The following SLC10A7 variants were observed in gnomAD, a reference collection of about 807,000 sequenced individuals.
SLC10A7 encodes sodium/bile acid cotransporter 7.
A neutral mutation model predicts 43.2 loss-of-function variants in SLC10A7; 29 were observed. That is an observed-to-expected ratio of 0.67 (90% CI 0.50 to 0.92). SLC10A7 has a LOEUF of 0.92. Among genes scored for constraint, SLC10A7 ranks in the 40% least tolerant of loss-of-function variants. SLC10A7 has a pLI of 0.00. For missense variants in SLC10A7, 295 were observed against 403.2 expected, an observed-to-expected ratio of 0.73 and a Z score of 2.30; for synonymous variants, 152 against 144.8, an observed-to-expected ratio of 1.05 and a Z score of -0.35.
chr4:146,429,046 T>C (rs2149865082), intron 5 of SLC10A7, among the ~76,000 whole-genome samples: 1 of 152,292 alleles, frequency 6.6e-6, no homozygotes, highest in East Asian at 1.9e-4. Flanking sequence ...AAAAATCTTA[T>C]AAATTACTAA....
chr4:146,271,536 A>G (rs1022238125), intron 10 of SLC10A7, among the ~76,000 whole-genome samples: 26 of 152,182 alleles, frequency 1.7e-4, no homozygotes, highest in South Asian at 1.0e-3. Flanking sequence ...TCACTGCCAC[A>G]CCTTCCCACA....
intron 1 of SLC10A7, among the ~76,000 whole-genome samples, chr4:146,518,100 G>A (rs1178622574): frequency 2.0e-5 from 3 of 152,172 alleles, no homozygotes; most frequent in South Asian, 2.1e-4. Context: ...TTAACACTGC[G>A]AGAACAATAC....
In SLC10A7 at chr4:146,442,797, AG is replaced by A. The variant is rs1435258174; in HGVS notation, c.420del (p.Phe141LeufsTer9). On this transcript the variant is annotated frameshift_variant, in exon 5 of 12. Coordinates refer to ENST00000335472, the MANE Select transcript of SLC10A7 (RefSeq NM_001029998.6). LOFTEE classifies it high-confidence loss of function. ...GNEAAAIFNS[A>X]FGSFLGIVIT... ...TGTTTACTTACCAAAAAACTTCCAA[AG>A]GCTGAATTAAATATTGCAGCTGCCT... The A allele has an allele frequency of 6.2e-7, 1 of 1,601,026 alleles. No individual in the cohort carries two copies. Among genetic ancestry groups the A allele is most frequent in the Non-Finnish European group, 8.5e-7 (1 of 1,175,946 alleles).
chr4:146,454,192 C>T (rs115979513), intron 4 of SLC10A7, among the ~76,000 whole-genome samples: 1 of 151,958 alleles, frequency 6.6e-6, no homozygotes, highest in Non-Finnish European at 1.5e-5. Flanking sequence ...AATAACAATA[C>T]CTAATATTAG....
At chr4:146,337,323 C>T (rs958635453) in intron 5 of SLC10A7, among the ~76,000 whole-genome samples, 1 of 152,026 alleles carries the variant, frequency 6.6e-6, no homozygotes, top group Non-Finnish European at 1.5e-5. Context: ...GGCCTGCATG[C>T]CTCCACCATG....
chr4:146,377,302 A>G (rs1737274949), intron 5 of SLC10A7, among the ~76,000 whole-genome samples: 1 of 152,212 alleles, frequency 6.6e-6, no homozygotes, highest in African/African-American at 2.4e-5. Flanking sequence ...ATGCTGGACA[A>G]GAACCCAGGT....
At chr4:146,409,314 T>G in intron 5 of SLC10A7, among the ~76,000 whole-genome samples, 1 of 141,824 alleles carries the variant, frequency 7.1e-6, no homozygotes. Context: ...AGAAAAAAAA[T>G]GCTATTGAAT....
intron 6 of SLC10A7, 60 bp downstream of exon 6, chr4:146,325,901 C>T (rs1402176006): frequency 1.4e-6 from 2 of 1,458,052 alleles, no homozygotes; most frequent in Admixed American, 3.7e-5. Flanking sequence ...AATGACCTTT[C>T]TTAAAGGGTT....
chr4:146,340,144 A>T (rs1734160445), intron 5 of SLC10A7, among the ~76,000 whole-genome samples: 1 of 151,882 alleles, frequency 6.6e-6, no homozygotes, highest in Non-Finnish European at 1.5e-5. Context: ...AGGAGAAGAA[A>T]AACATATATG....
intron 5 of SLC10A7, among the ~76,000 whole-genome samples, chr4:146,345,160 A>C (rs1422947660): frequency 6.6e-6 from 1 of 152,166 alleles, no homozygotes; most frequent in Non-Finnish European, 1.5e-5. Context: ...CAGAGGGATA[A>C]ACAGTGACGT....
At chr4:146,375,418 T>C (rs1737120392) in intron 5 of SLC10A7, among the ~76,000 whole-genome samples, 1 of 152,136 alleles carries the variant, frequency 6.6e-6, no homozygotes, top group Admixed American at 6.6e-5. Context: ...ATCCTCACGC[T>C]TAACTCCCTC....
At chr4:146,498,881 CA>C (rs1388892151) in intron 4 of SLC10A7, among the ~76,000 whole-genome samples, 2 of 152,092 alleles carry the variant, frequency 1.3e-5, no homozygotes, top group African/African-American at 4.8e-5. Flanking sequence ...CAACCCATGA[CA>C]AAATCTTTTG....
chr4:146,311,808 A>C (rs1732000021), intron 6 of SLC10A7, among the ~76,000 whole-genome samples: 1 of 152,052 alleles, frequency 6.6e-6, no homozygotes, highest in African/African-American at 2.4e-5. Flanking sequence ...ACACACTCCT[A>C]ATACCCATAT....
rs528311948 is a variant in SLC10A7, at chr4:146,367,244, G to GA, written c.436-41249dup. On this transcript the variant is annotated intron_variant, in intron 5 of 11. Transcript: ENST00000335472. ...AACCCAGAGCCCAAAACAACAAAAGGAAACAAAAAAATCTCTGTTGAGGCT... is the reference window on the plus strand; with the variant it reads ...AACCCAGAGCCCAAAACAACAAAAGGAAAACAAAAAAATCTCTGTTGAGGCT... 2.7e-3 allele frequency among the ~76,000 whole-genome samples: 407 copies of GA among 151,932 alleles called. 1 individual carries two copies. The highest frequency in any genetic ancestry group is 9.2e-3 in the African/African-American group (383 of 41,470).
At chr4:146,317,267 T>G (rs1382724961) in intron 6 of SLC10A7, among the ~76,000 whole-genome samples, 2 of 152,076 alleles carry the variant, frequency 1.3e-5, no homozygotes, top group East Asian at 3.9e-4. Flanking sequence ...ATGCATTCAC[T>G]TTCATTCAAA....
At chr4:146,291,303 C>T (rs541819689) in intron 9 of SLC10A7, among the ~76,000 whole-genome samples, 2 of 152,228 alleles carry the variant, frequency 1.3e-5, no homozygotes, top group Non-Finnish European at 2.9e-5. Flanking sequence ...TTCTCTGTGA[C>T]TTAATGGCTC....
chr4:146,346,460 C>T (rs1003245320), intron 5 of SLC10A7, among the ~76,000 whole-genome samples: 1 of 152,086 alleles, frequency 6.6e-6, no homozygotes, highest in Non-Finnish European at 1.5e-5. Flanking sequence ...TGTTAGGATT[C>T]AGAAAACCTT....
chr4:146,498,301 A>G (rs1736094902), intron 4 of SLC10A7, among the ~76,000 whole-genome samples: 1 of 152,084 alleles, frequency 6.6e-6, no homozygotes, highest in Non-Finnish European at 1.5e-5. Flanking sequence ...TATTTTTAGT[A>G]GAGACGAGGT....
intron 5 of SLC10A7, among the ~76,000 whole-genome samples, chr4:146,396,689 T>C (rs1482595600): frequency 6.6e-6 from 1 of 152,082 alleles, no homozygotes; most frequent in African/African-American, 2.4e-5. Flanking sequence ...AATCCATGCT[T>C]ATTTGCAAGC....
Sources: allele counts gnomAD v4.1 joint callset (sites outside exome capture counted in the v4.1 genomes callset), GRCh38; gene constraint gnomAD v4.1.1; transcripts MANE v1.5; gene names NCBI Gene and HGNC (gene_info 2026-07-23, HGNC 2026-07-21).